ANKRD29: variants seen among roughly 807,000 people sequenced by gnomAD.
ANKRD29 encodes the protein ankyrin repeat domain-containing protein 29.
In ANKRD29, 32 loss-of-function variants were observed where a neutral mutation model predicts 38.0. The observed-to-expected ratio is 0.84, with a 90% CI of 0.64 to 1.13. The LOEUF is 1.13. Among genes scored for constraint, ANKRD29 ranks in the 50% most tolerant of loss-of-function variants. The pLI is 0.00. For synonymous variants in ANKRD29, 135 were observed against 152.4 expected, an observed-to-expected ratio of 0.89 and a Z score of 0.84; for missense variants, 357 against 377.9, an observed-to-expected ratio of 0.94 and a Z score of 0.46.
At chr18:23,615,259 T>G (rs2059696024) in intron 8 of ANKRD29, among the ~76,000 whole-genome samples, 1 of 152,226 alleles carries the variant, frequency 6.6e-6, no homozygotes, top group Non-Finnish European at 1.5e-5. Flanking sequence ...TCTTCCTGCC[T>G]CAGCCTCCCA....
chr18:23,648,913 A>G (rs1273794651), intron 2 of ANKRD29, 170 bp downstream of exon 2: 6 of 538,888 alleles, frequency 1.1e-5, no homozygotes, highest in Admixed American at 3.9e-5. Flanking sequence ...GACTTCCCCC[A>G]GCATGTTTTT....
chr18:23,628,835 A>G (rs2059893694), intron 6 of ANKRD29, among the ~76,000 whole-genome samples: 1 of 24,164 alleles, frequency 4.1e-5, no homozygotes. Flanking sequence ...CGCTGTCTCA[A>G]AAAAAAAAAA....
rs1049259135 is a variant in ANKRD29, at chr18:23,600,982, C to T, written c.*244G>A. 3 of 353,960 alleles carry T rather than the reference C, an allele frequency of 8.5e-6. No individual in the cohort carries two copies. Among genetic ancestry groups the T allele is most frequent in the Admixed American group, 4.3e-5 (1 of 23,458 alleles). The allele number at this position is 353,960 out of a possible 1,614,324, so 21.9% of individuals were successfully genotyped here. A position where few individuals can be genotyped will look rare whatever the true frequency, so the allele number is the denominator to read the frequency against. ...CTGTGGAATCTGTGAACATGCCAGGCCCCCCGGGAGATGAGTTACAGGACA... is the reference window on the plus strand; with the variant it reads ...CTGTGGAATCTGTGAACATGCCAGGTCCCCCGGGAGATGAGTTACAGGACA... On this transcript the variant is annotated 3_prime_UTR_variant, in exon 10 of 10. Coordinates refer to ENST00000592179, the MANE Select transcript of ANKRD29 (RefSeq NM_173505.4).
chr18:23,627,009 A>G (rs914079317), intron 6 of ANKRD29, among the ~76,000 whole-genome samples: 3 of 152,228 alleles, frequency 2.0e-5, no homozygotes, highest in African/African-American at 7.2e-5. Context: ...TCAGAATAAA[A>G]CATTGGTTTC....
In ANKRD29 at chr18:23,608,854, G is replaced by C. The variant is rs886694301; in HGVS notation, c.822+3238C>G. Among the ~76,000 whole-genome samples, 3 of 152,230 alleles carry C rather than the reference G, an allele frequency of 2.0e-5. No homozygotes were observed. The East Asian group carries it at 5.8e-4, about 29-fold the overall frequency. On this transcript the variant is annotated intron_variant, in intron 9 of 9. Coordinates refer to ENST00000592179, the MANE Select transcript of ANKRD29 (RefSeq NM_173505.4). ...AGATTAGAAATTACAATTTAGGGCC[G>C]GGCGCGGTGGCTCACGCCTGTAATC...
chr18:23,646,702 T>C (rs557098556), intron 2 of ANKRD29: 1 of 160,496 alleles, frequency 6.2e-6, no homozygotes, highest in African/African-American at 2.4e-5. Context: ...ATCTTCAAAA[T>C]GATTCAGGTA....
rs559704787 is a variant in ANKRD29 at position 23,624,657 on chromosome 18, T to G, written c.529-5028A>C. On this transcript the variant is annotated intron_variant, in intron 6 of 9. Coordinates refer to ENST00000592179, the MANE Select transcript of ANKRD29 (RefSeq NM_173505.4). ...AGATGGGTGAAAGCTGCATGGAGACTTGGGGTCAATGTATAAAAGTTTAAT... is the reference window on the plus strand; with the variant it reads ...AGATGGGTGAAAGCTGCATGGAGACGTGGGGTCAATGTATAAAAGTTTAAT... Among the ~76,000 whole-genome samples, 246 of 152,060 alleles carry G rather than the reference T, an allele frequency of 1.6e-3. 1 individual carries two copies. Among genetic ancestry groups the G allele is most frequent in the Admixed American group, 2.6e-3 (40 of 15,248 alleles).
chr18:23,654,609 ACT>A (rs1328258142), intron 1 of ANKRD29, among the ~76,000 whole-genome samples: 1 of 130,008 alleles, frequency 7.7e-6, no homozygotes, highest in Non-Finnish European at 1.6e-5. Context: ...ACAGAGCAAG[ACT>A]CTGTCTCAAA....
intron 6 of ANKRD29, among the ~76,000 whole-genome samples, chr18:23,620,867 A>G (rs1191148722): frequency 6.6e-6 from 1 of 152,210 alleles, no homozygotes; most frequent in Non-Finnish European, 1.5e-5. Context: ...CAGAAGTGAC[A>G]GAGAAACAGT....
At chr18:23,634,248 C>G in intron 4 of ANKRD29, 99 bp from the exon 5 acceptor site, 1 of 829,268 alleles carries the variant, frequency 1.2e-6, no homozygotes, top group Non-Finnish European at 1.9e-6. Flanking sequence ...AGAGAGTTTT[C>G]CCAAAGATAA....
At chr18:23,625,800 C>T (rs2059855294) in intron 6 of ANKRD29, among the ~76,000 whole-genome samples, 1 of 152,078 alleles carries the variant, frequency 6.6e-6, no homozygotes, top group African/African-American at 2.4e-5. Flanking sequence ...ATCTATATCC[C>T]CATAATTTCC....
At chr18:23,642,753 G>C (rs1291244715) in intron 3 of ANKRD29, among the ~76,000 whole-genome samples, 2 of 152,162 alleles carry the variant, frequency 1.3e-5, no homozygotes, top group African/African-American at 4.8e-5. Context: ...ACTTTAGGTG[G>C]GTAGGGACTT....
intron 3 of ANKRD29, 56 bp from the exon 4 acceptor site, chr18:23,639,003 T>G (rs1368079639): frequency 8.1e-6 from 11 of 1,350,288 alleles, no homozygotes; most frequent in Non-Finnish European, 1.0e-5. Flanking sequence ...TACATTTGAT[T>G]TGAACATCTG....
chr18:23,611,998 G>A, intron 9 of ANKRD29, 94 bp downstream of exon 9: 9 of 1,115,924 alleles, frequency 8.1e-6, no homozygotes, highest in Non-Finnish European at 1.2e-5. Context: ...AAAGAATGAA[G>A]ATGGTGACTG....
chr18:23,637,467 G>A (rs1037099119), intron 4 of ANKRD29, among the ~76,000 whole-genome samples: 10 of 152,014 alleles, frequency 6.6e-5, no homozygotes, highest in East Asian at 1.9e-4. Context: ...GCATGATCAC[G>A]GCTCATTGCC....
intron 9 of ANKRD29, among the ~76,000 whole-genome samples, chr18:23,609,559 C>A (rs1287326129): frequency 6.6e-6 from 1 of 152,176 alleles, no homozygotes; most frequent in Non-Finnish European, 1.5e-5. Flanking sequence ...CAAGGTGAAC[C>A]CATTGGGCGG....
chr18:23,630,282 C>T (rs991638961), intron 5 of ANKRD29, among the ~76,000 whole-genome samples: 1 of 152,178 alleles, frequency 6.6e-6, no homozygotes, highest in African/African-American at 2.4e-5. Context: ...AAATAATTAG[C>T]CAGGCGTGGT....
At chr18:23,623,903 A>G (rs1300507003) in intron 6 of ANKRD29, among the ~76,000 whole-genome samples, 1 of 151,538 alleles carries the variant, frequency 6.6e-6, no homozygotes, top group Non-Finnish European at 1.5e-5. Flanking sequence ...TCGGCCTCCC[A>G]AAGTGCTGGG....
At chr18:23,634,254 G>A in intron 4 of ANKRD29, 105 bp from the exon 5 acceptor site, 4 of 588,918 alleles carry the variant, frequency 6.8e-6, no homozygotes, top group South Asian at 2.2e-5. Context: ...TTTTCCCAAA[G>A]ATAATAACAA....
Sources: allele counts gnomAD v4.1 joint callset (sites outside exome capture counted in the v4.1 genomes callset), GRCh38; gene constraint gnomAD v4.1.1; transcripts MANE v1.5; gene names NCBI Gene and HGNC (gene_info 2026-07-23, HGNC 2026-07-21).